The following KIRREL3 variants were observed in gnomAD, a reference collection of about 807,000 sequenced individuals.
KIRREL3 encodes kin of IRRE-like protein 3.
KIRREL3 carries 36 observed loss-of-function variants against 89.7 expected under a neutral mutation model. That is an observed-to-expected ratio of 0.40 (90% CI 0.31 to 0.53). KIRREL3 has a LOEUF of 0.53. Among genes scored for constraint, KIRREL3 ranks in the 20% least tolerant of loss-of-function variants. The pLI is 0.49. For synonymous variants in KIRREL3, 445 were observed against 441.4 expected, an observed-to-expected ratio of 1.01 and a Z score of -0.10; for missense variants, 864 against 1,056.6, an observed-to-expected ratio of 0.82 and a Z score of 2.53.
Position 126,879,178 on chromosome 11 carries a change from G to A in KIRREL3, c.55+121277C>T, listed in dbSNP as rs1384167563. 6.6e-6 allele frequency among the ~76,000 whole-genome samples: 1 copy of A among 152,180 alleles called. No homozygotes were observed. Among genetic ancestry groups the A allele is most frequent in the Non-Finnish European group, 1.5e-5 (1 of 68,034 alleles). On this transcript the variant is annotated intron_variant, in intron 1 of 16. Coordinates refer to ENST00000525144, the MANE Select transcript of KIRREL3 (RefSeq NM_032531.4). The surrounding 1 kb of genome is among the most constrained non-coding windows in gnomAD (Gnocchi z 5.4). ...AAAGAGGGAAACTGGAGCTCATCAC[G>A]GAGGTAATGTACAGGGAACCTATAA...
rs1250171298 is a variant in KIRREL3 at position 126,562,457 on chromosome 11, G to A, written c.133+378C>T. Among the ~76,000 whole-genome samples the A allele has an allele frequency of 3.3e-5, 5 of 152,162 alleles. No homozygotes were observed. ...TGCTGTTTATTCAACAGGCATTCAA[G>A]AAACATGAGTGATGGAGGAGGCAAG... On this transcript the variant is annotated intron_variant, in intron 2 of 16. Transcript: ENST00000525144. The surrounding 1 kb of genome is among the most constrained non-coding windows in gnomAD (Gnocchi z 4.7).
At position 126,985,786 on chromosome 11, in the gene KIRREL3, T is replaced by C. The variant is rs752672411; in HGVS notation, c.55+14669A>G. ...GATAGCGAACTCTGTGCAAAGCTGA[T>C]GATTTGGTTATTGTCACAGCGGAGC... On this transcript the variant is annotated intron_variant, in intron 1 of 16. Transcript: ENST00000525144. This position sits in a 1 kb window ranked among gnomAD's most constrained non-coding sequence, Gnocchi z 5.3. Among the ~76,000 whole-genome samples the C allele has an allele frequency of 6.6e-6, 1 of 152,162 alleles. No individual in the cohort carries two copies. The highest frequency in any genetic ancestry group is 1.5e-5 in the Non-Finnish European group (1 of 68,038).
intron 1 of KIRREL3, among the ~76,000 whole-genome samples, chr11:126,823,694 C>A (rs188133055): frequency 3.5e-4 from 54 of 152,278 alleles, no homozygotes; most frequent in African/African-American, 1.3e-3. Context: ...GCCATCTTTT[C>A]AGCCACAATA....
rs1006889964 is a variant in KIRREL3, at chr11:126,703,711, C to A, written c.56-140799G>T. Among the ~76,000 whole-genome samples the A allele has an allele frequency of 1.3e-5, 2 of 152,150 alleles. No homozygotes were observed. Among genetic ancestry groups the A allele is most frequent in the Non-Finnish European group, 2.9e-5 (2 of 68,032 alleles). On this transcript the variant is annotated intron_variant, in intron 1 of 16. Coordinates refer to ENST00000525144, the MANE Select transcript of KIRREL3 (RefSeq NM_032531.4). The surrounding 1 kb of genome is among the most constrained non-coding windows in gnomAD (Gnocchi z 4.6). ...GGGAGGCAGGACTCCTAAGCCTGGG[C>A]CCTCTGACTGCCTGGGCCAGTGTTT... is the stretch of plus-strand genomic sequence containing the variant.
chr11:126,827,183 T>TG (rs1943446464), intron 1 of KIRREL3, among the ~76,000 whole-genome samples: 1 of 151,498 alleles, frequency 6.6e-6, no homozygotes, highest in Admixed American at 6.6e-5. Context: ...GATTCAGATT[T>TG]TTTTTTTTTC....
intron 1 of KIRREL3, among the ~76,000 whole-genome samples, chr11:126,580,140 T>C (rs1301378679): frequency 1.9e-4 from 29 of 152,196 alleles, no homozygotes; most frequent in Admixed American, 1.8e-3. Flanking sequence ...CCACCACACC[T>C]GGCCCCCAGT....
Position 126,432,348 on chromosome 11 carries a change from G to A in KIRREL3, c.1589-822C>T, listed in dbSNP as rs904915555. 7.9e-5 allele frequency among the ~76,000 whole-genome samples: 12 copies of A among 152,286 alleles called. No homozygotes were observed. Among genetic ancestry groups the A allele is most frequent in the East Asian group, 5.8e-4 (3 of 5,188 alleles). ...GGACAGGGAGGGTAAGGATAGAGTC[G>A]GGGGTGATCTTCCACACAGCCTTGG... On this transcript the variant is annotated intron_variant, in intron 13 of 16. Coordinates refer to ENST00000525144, the MANE Select transcript of KIRREL3 (RefSeq NM_032531.4). This position sits in a 1 kb window ranked among gnomAD's most constrained non-coding sequence, Gnocchi z 6.2.
In KIRREL3 at chr11:126,729,788, A is replaced by ACACAT. The variant is rs1948539814; in HGVS notation, c.56-166877_56-166876insATGTG. ...GTTTCTGTGTCCAGAAGCACAATGG[A>ACACAT]GGGAGCCCCTGATCATAATCACTAA... On this transcript the variant is annotated intron_variant, in intron 1 of 16. Coordinates refer to ENST00000525144, the MANE Select transcript of KIRREL3 (RefSeq NM_032531.4). This position sits in a 1 kb window ranked among gnomAD's most constrained non-coding sequence, Gnocchi z 4.5. 6.6e-6 allele frequency among the ~76,000 whole-genome samples: 1 copy of ACACAT among 152,140 alleles called. No individual in the cohort carries two copies. The highest frequency in any genetic ancestry group is 2.1e-4 in the South Asian group (1 of 4,828).
intron 11 of KIRREL3, chr11:126,440,115 C>T (rs1247119232): frequency 3.8e-6 from 2 of 529,868 alleles, no homozygotes; most frequent in African/African-American, 3.8e-5. Context: ...AAAGACTGGC[C>T]TGGAGCCCAG....
At chr11:126,945,971 A>G (rs1948610566) in intron 1 of KIRREL3, among the ~76,000 whole-genome samples, 1 of 152,194 alleles carries the variant, frequency 6.6e-6, no homozygotes, top group South Asian at 2.1e-4. Context: ...ACCATATATC[A>G]GAGCCTTTGG....
chr11:126,501,947 C>T lies in KIRREL3; in HGVS notation c.433+19368G>A, dbSNP rs890095870. Among the ~76,000 whole-genome samples the T allele has an allele frequency of 6.6e-6, 1 of 152,172 alleles. No homozygotes were observed. The highest frequency in any genetic ancestry group is 1.5e-5 in the Non-Finnish European group (1 of 68,030). ...GGGGACTGGTGGGCCACATCCCGCC[C>T]AAGGGAGCAGCCATTACATAATTGT... On this transcript the variant is annotated intron_variant, in intron 4 of 16. Transcript: ENST00000525144. The surrounding 1 kb of genome is among the most constrained non-coding windows in gnomAD (Gnocchi z 5.8).
chr11:126,657,087 AT>A (rs1004817352), intron 1 of KIRREL3, among the ~76,000 whole-genome samples: 7 of 152,102 alleles, frequency 4.6e-5, no homozygotes, highest in Non-Finnish European at 1.0e-4. Flanking sequence ...AACAGAAAAA[AT>A]AAATGAAACC....
intron 1 of KIRREL3, among the ~76,000 whole-genome samples, chr11:126,916,095 A>C (rs1305871139): frequency 6.6e-6 from 1 of 152,204 alleles, no homozygotes; most frequent in Non-Finnish European, 1.5e-5. Context: ...TTCCACACCT[A>C]GTGATTAATA....
At chr11:126,533,768 C>T (rs1959011572) in intron 2 of KIRREL3, among the ~76,000 whole-genome samples, 1 of 152,202 alleles carries the variant, frequency 6.6e-6, no homozygotes, top group African/African-American at 2.4e-5. Context: ...CTTGCTGAGC[C>T]TCCATTTTCC....
Position 126,908,176 on chromosome 11 carries a change from T to C in KIRREL3, c.55+92279A>G, listed in dbSNP as rs1946663448. Among the ~76,000 whole-genome samples the C allele has an allele frequency of 6.6e-6, 1 of 152,246 alleles. No homozygotes were observed. The highest frequency in any genetic ancestry group is 6.5e-5 in the Admixed American group (1 of 15,286). On this transcript the variant is annotated intron_variant, in intron 1 of 16. Transcript: ENST00000525144. The surrounding 1 kb of genome is among the most constrained non-coding windows in gnomAD (Gnocchi z 4.2). The stretch of plus-strand genomic sequence containing the variant: ...CAAATATCTGTTTTGTTTACTGCCG[T>C]ATTTTCAGTGCCTAGGCACATAATA...
intron 1 of KIRREL3, among the ~76,000 whole-genome samples, chr11:126,928,993 A>C (rs964942606): frequency 8.6e-5 from 13 of 151,602 alleles, no homozygotes; most frequent in Admixed American, 2.6e-4. Context: ...AGAGAGTAAA[A>C]GAAAAGAGAG....
In KIRREL3 at chr11:126,723,190, T is replaced by C. The variant is rs745591962; in HGVS notation, c.56-160278A>G. Among the ~76,000 whole-genome samples, 19 of 123,486 alleles carry C rather than the reference T, an allele frequency of 1.5e-4. No homozygotes were observed. In the South Asian group the frequency reaches 2.5e-3, roughly 16 times the overall value. 81.0% of individuals were successfully genotyped at this position (123,486 alleles called of 152,430 possible). ...TCTCAGAGCCTGCAGCCCTGACACA[T>C]TGCAGGTACTTAGCATACAGAGCTG... On this transcript the variant is annotated intron_variant, in intron 1 of 16. Transcript: ENST00000525144. This position sits in a 1 kb window ranked among gnomAD's most constrained non-coding sequence, Gnocchi z 4.0.
chr11:126,714,431 T>G (rs1947879159), intron 1 of KIRREL3, among the ~76,000 whole-genome samples: 1 of 152,206 alleles, frequency 6.6e-6, no homozygotes, highest in Admixed American at 6.5e-5. Flanking sequence ...AAACCTGTGC[T>G]AATGCCTGCG....
At chr11:126,663,111 GATGAGC>G (rs754803933) in intron 1 of KIRREL3, among the ~76,000 whole-genome samples, 6 of 150,980 alleles carry the variant, frequency 4.0e-5, no homozygotes, top group Non-Finnish European at 8.9e-5. Context: ...ACGTGGGACT[GATGAGC>G]ATGGGGAGTG....
Sources: allele counts gnomAD v4.1 joint callset (sites outside exome capture counted in the v4.1 genomes callset), GRCh38; gene constraint gnomAD v4.1.1; non-coding constraint Gnocchi (gnomAD v3.1); transcripts MANE v1.5; gene names NCBI Gene and HGNC (gene_info 2026-07-23, HGNC 2026-07-21).